PARN: variants seen among roughly 807,000 people sequenced by gnomAD.
PARN encodes the protein poly(A)-specific ribonuclease.
In PARN, 71 loss-of-function variants were observed where a neutral mutation model predicts 102.8. That is an observed-to-expected ratio of 0.69 (90% CI 0.57 to 0.84). The LOEUF (loss-of-function observed/expected upper bound fraction) is 0.84. Ranked by LOEUF, PARN falls within the 40% of genes least tolerant of loss-of-function variation. The probability of loss-of-function intolerance (pLI) is 0.00; values close to 1 mark genes in which losing one functional copy is unlikely to be tolerated. For synonymous variants in PARN, 261 were observed against 252.9 expected, an observed-to-expected ratio of 1.03 and a Z score of -0.30; for missense variants, 782 against 760.9, an observed-to-expected ratio of 1.03 and a Z score of -0.33.
At chr16:14,501,345 C>A (rs562205350) in intron 21 of PARN, among the ~76,000 whole-genome samples, 1 of 140,354 alleles carries the variant, frequency 7.1e-6, no homozygotes, top group East Asian at 2.1e-4. Flanking sequence ...TGGTGGTGTG[C>A]GCCTATAGTC....
intron 18 of PARN, among the ~76,000 whole-genome samples, chr16:14,562,352 G>A (rs1968119016): frequency 6.6e-6 from 1 of 151,544 alleles, no homozygotes; most frequent in African/African-American, 2.4e-5. Flanking sequence ...GAGCTACTTG[G>A]GAGGCTAAGG....
intron 18 of PARN, among the ~76,000 whole-genome samples, chr16:14,560,729 C>T (rs2151718901): frequency 1.3e-5 from 2 of 152,310 alleles, no homozygotes; most frequent in South Asian, 4.1e-4. Flanking sequence ...GGGTCACTTC[C>T]ACTCAGTCTC....
intron 9 of PARN, among the ~76,000 whole-genome samples, chr16:14,607,404 C>G (rs1391722822): frequency 6.6e-6 from 1 of 151,986 alleles, no homozygotes; most frequent in Non-Finnish European, 1.5e-5. Context: ...GACGGGGTTT[C>G]ACCATGTTGG....
intron 22 of PARN, among the ~76,000 whole-genome samples, chr16:14,452,789 T>C (rs903498977): frequency 6.6e-6 from 1 of 152,238 alleles, no homozygotes; most frequent in Non-Finnish European, 1.5e-5. Context: ...TCTGTATCTA[T>C]ATGTATGTAA....
chr16:14,508,644 T>C (rs1008511286), intron 21 of PARN, among the ~76,000 whole-genome samples: 1 of 151,690 alleles, frequency 6.6e-6, no homozygotes, highest in African/African-American at 2.4e-5. Context: ...TAGAAATCCC[T>C]ATAATTTCTG....
At chr16:14,593,868 A>C (rs1009610052) in intron 12 of PARN, among the ~76,000 whole-genome samples, 1 of 151,908 alleles carries the variant, frequency 6.6e-6, no homozygotes, top group African/African-American at 2.4e-5. Flanking sequence ...GCGGTGGTGC[A>C]TGCCTATAAC....
intron 22 of PARN, among the ~76,000 whole-genome samples, chr16:14,471,440 C>T (rs1327731620): frequency 6.6e-6 from 1 of 152,166 alleles, no homozygotes; most frequent in Non-Finnish European, 1.5e-5. Flanking sequence ...TCTCTCCATT[C>T]TCAACCATCA....
chr16:14,477,716 T>C (rs1409106191), intron 22 of PARN, among the ~76,000 whole-genome samples: 1 of 150,584 alleles, frequency 6.6e-6, no homozygotes. Flanking sequence ...GAGTTGGAGG[T>C]TGCAGTGAGC....
intron 12 of PARN, among the ~76,000 whole-genome samples, chr16:14,598,030 G>C (rs1369105165): frequency 6.6e-6 from 1 of 152,130 alleles, no homozygotes. Context: ...TGTAATCCCA[G>C]CTACTTGGGA....
At chr16:14,617,508 A>T (rs1273285284) in intron 6 of PARN, 82 bp downstream of exon 6, 1 of 782,914 alleles carries the variant, frequency 1.3e-6, no homozygotes, top group Non-Finnish European at 2.3e-6. Flanking sequence ...CAAAATAATA[A>T]TTCTCAACCA....
chr16:14,622,336 T>C (rs566399915), intron 5 of PARN, among the ~76,000 whole-genome samples: 1 of 152,290 alleles, frequency 6.6e-6, no homozygotes, highest in South Asian at 2.1e-4. Context: ...TTCTTACACA[T>C]ACAAAAAGAT....
intron 11 of PARN, among the ~76,000 whole-genome samples, chr16:14,600,865 G>A (rs185565584): frequency 6.6e-6 from 1 of 152,084 alleles, no homozygotes; most frequent in Non-Finnish European, 1.5e-5. Context: ...GGGAGACGGA[G>A]GTTGCATGCT....
At chr16:14,568,812 T>C (rs1461444867) in intron 18 of PARN, among the ~76,000 whole-genome samples, 2 of 151,854 alleles carry the variant, frequency 1.3e-5, no homozygotes, top group South Asian at 2.1e-4. Flanking sequence ...GGGGAATCGC[T>C]TGAACCTGGG....
intron 21 of PARN, among the ~76,000 whole-genome samples, chr16:14,525,854 G>T (rs986637274): frequency 6.6e-6 from 1 of 152,022 alleles, no homozygotes; most frequent in African/African-American, 2.4e-5. Flanking sequence ...CTTTGAGATG[G>T]AGCCCAAACT....
chr16:14,553,260 A>ATTT (rs1967441298), intron 20 of PARN, among the ~76,000 whole-genome samples: 3 of 145,524 alleles, frequency 2.1e-5, no homozygotes, highest in Non-Finnish European at 4.6e-5. Context: ...TCTATTTAAA[A>ATTT]AAAAAAAAAA....
intron 10 of PARN, among the ~76,000 whole-genome samples, chr16:14,605,035 G>C (rs1270863881): frequency 2.0e-5 from 3 of 152,124 alleles, no homozygotes; most frequent in Non-Finnish European, 2.9e-5. Flanking sequence ...AAATTTCTGG[G>C]TTCAGATGAT....
chr16:14,517,632 CAG>C (rs958182973), intron 21 of PARN, among the ~76,000 whole-genome samples: 6 of 152,186 alleles, frequency 3.9e-5, no homozygotes, highest in African/African-American at 1.2e-4. Flanking sequence ...TGCTAAAAAA[CAG>C]AATATGCCTG....
intron 23 of PARN, among the ~76,000 whole-genome samples, chr16:14,437,546 G>C (rs1960755534): frequency 6.6e-6 from 1 of 152,116 alleles, no homozygotes. Context: ...TCTACAATAC[G>C]AGCAGCTGCG....
At position 14,582,284 on chromosome 16, in the gene PARN, G is replaced by C. The variant is rs776536066; in HGVS notation, c.1089C>G (p.Ala363=). ...TPFNPPKVES[A]EGFPSYDTAS... is the part of the protein sequence containing the mutation. ...CTGTGTCATAACTTGGAAAACCTTC[G>C]GCACTTTCTAAGAAAAAAAAGGAAA... The change falls in exon 17 of 24, where the codon GCC becomes GCG. Residue 363 remains alanine, a synonymous_variant. Coordinates refer to ENST00000437198, the MANE Select transcript of PARN (RefSeq NM_002582.4). The C allele has an allele frequency of 2.5e-6, 4 of 1,611,454 alleles. No homozygotes were observed. The highest frequency in any genetic ancestry group is 2.7e-5 in the African/African-American group (2 of 74,814).
Sources: gnomAD v4.1 joint callset for allele counts (sites outside exome capture counted in the v4.1 genomes callset) on GRCh38, gnomAD v4.1.1 for gene constraint, MANE v1.5 for transcripts, NCBI Gene and HGNC (gene_info 2026-07-23, HGNC 2026-07-21) for gene names.